GALNT17: variants seen among roughly 807,000 people sequenced by gnomAD.
GALNT17 encodes the protein UDP-GalNAc:polypeptide N-acetylgalactosaminyltransferase-like 3.
A neutral mutation model predicts 63.7 loss-of-function variants in GALNT17; 29 were observed. The ratio of observed to expected loss-of-function variants is 0.46; its 90% CI spans 0.34 to 0.62. The LOEUF is 0.62. GALNT17 is among the 20% of genes least tolerant of loss of function. The probability of loss-of-function intolerance (pLI) is 0.01; values close to 1 mark genes in which losing one functional copy is unlikely to be tolerated. For missense variants in GALNT17, 603 were observed against 799.6 expected (o/e 0.75, Z 2.97); for synonymous variants, 305 against 318.3 (o/e 0.96, Z 0.45).
chr7:71,455,148 CAGA>C (rs1479730262), intron 5 of GALNT17, among the ~76,000 whole-genome samples: 1 of 149,632 alleles, frequency 6.7e-6, no homozygotes, highest in Non-Finnish European at 1.5e-5. Flanking sequence ...GCCTGGGCAG[CAGA>C]GCAAAATCTT....
chr7:71,683,206 G>A (rs983859368), intron 9 of GALNT17, among the ~76,000 whole-genome samples: 2 of 152,098 alleles, frequency 1.3e-5, no homozygotes, highest in Non-Finnish European at 2.9e-5. Context: ...TTTTTAAAAA[G>A]TCAATCTCAT....
At chr7:71,482,361 G>A (rs1787835770) in intron 5 of GALNT17, among the ~76,000 whole-genome samples, 1 of 152,110 alleles carries the variant, frequency 6.6e-6, no homozygotes, top group South Asian at 2.1e-4. Flanking sequence ...TGTTGGCCAG[G>A]CTGGCCTCCA....
At chr7:71,455,608 C>T (rs1192774322) in intron 5 of GALNT17, among the ~76,000 whole-genome samples, 1 of 152,036 alleles carries the variant, frequency 6.6e-6, no homozygotes, top group Non-Finnish European at 1.5e-5. Flanking sequence ...GTGCCAGACC[C>T]CAGACCAGAC....
At chr7:71,160,892 CAGTGGTGTGATGA>C in intron 1 of GALNT17, among the ~76,000 whole-genome samples, 1 of 152,262 alleles carries the variant, frequency 6.6e-6, no homozygotes, top group Non-Finnish European at 1.5e-5. Context: ...GGCTGTGATG[CAGTGGTGTGATGA>C]CTCGTAGCTC....
In GALNT17 at chr7:71,493,133, A is replaced by C. The variant is rs1788037371; in HGVS notation, c.962+72028A>C. Among the ~76,000 whole-genome samples, 5 of 152,242 alleles carry C rather than the reference A, an allele frequency of 3.3e-5. 1 individual carries two copies. The South Asian group carries it at 1.0e-3, about 32-fold the overall frequency. ...CTGGGGACACAGAGATGAATGGAGC[A>C]TCACCTTGTCTTTGAAGAGCTCACA... On this transcript the variant is annotated intron_variant, in intron 5 of 10. Coordinates refer to ENST00000333538, the MANE Select transcript of GALNT17 (RefSeq NM_022479.3).
At chr7:71,169,003 C>G (rs1788497053) in intron 1 of GALNT17, among the ~76,000 whole-genome samples, 2 of 152,104 alleles carry the variant, frequency 1.3e-5, no homozygotes, top group Non-Finnish European at 2.9e-5. Flanking sequence ...CTGTGAGAGT[C>G]CAGGCACTGT....
At chr7:71,423,486 T>G (rs1324690381) in intron 5 of GALNT17, among the ~76,000 whole-genome samples, 3 of 152,180 alleles carry the variant, frequency 2.0e-5, no homozygotes, top group African/African-American at 7.2e-5. Context: ...GAGGCCTGTG[T>G]ACCTGGGCTC....
intron 1 of GALNT17, among the ~76,000 whole-genome samples, chr7:71,267,851 C>G (rs1380027668): frequency 1.9e-4 from 28 of 149,148 alleles, no homozygotes; most frequent in Admixed American, 5.4e-4. Context: ...TCCCTCCCCC[C>G]ACCTGCCCCC....
At chr7:71,410,622 G>C (rs1793412924) in intron 3 of GALNT17, among the ~76,000 whole-genome samples, 1 of 152,256 alleles carries the variant, frequency 6.6e-6, no homozygotes, top group South Asian at 2.1e-4. Flanking sequence ...GCAGGGCTCT[G>C]AGCCCAGGGA....
chr7:71,697,301 A>G (rs567105118), intron 9 of GALNT17, among the ~76,000 whole-genome samples: 2 of 152,300 alleles, frequency 1.3e-5, no homozygotes, highest in African/African-American at 4.8e-5. Context: ...AACCAGTGAT[A>G]AAGATCTGTC....
chr7:71,344,618 G>A (rs1792058706), intron 2 of GALNT17, among the ~76,000 whole-genome samples: 1 of 152,044 alleles, frequency 6.6e-6, no homozygotes, highest in Non-Finnish European at 1.5e-5. Context: ...GAAGATGGAG[G>A]CTGGTAGCAG....
chr7:71,463,508 T>C (rs1394158259), intron 5 of GALNT17, among the ~76,000 whole-genome samples: 1 of 151,956 alleles, frequency 6.6e-6, no homozygotes, highest in South Asian at 2.1e-4. Flanking sequence ...GGTGAGTCCA[T>C]AGGGTGAAGT....
chr7:71,439,925 T>G (rs10263612), intron 5 of GALNT17, among the ~76,000 whole-genome samples: 1 of 150,066 alleles, frequency 6.7e-6, no homozygotes, highest in African/African-American at 2.4e-5. Context: ...TTCCAGAGTG[T>G]TTCATCTTCC....
intron 4 of GALNT17, among the ~76,000 whole-genome samples, chr7:71,416,925 A>T (rs1401830097): frequency 6.6e-6 from 1 of 152,210 alleles, no homozygotes; most frequent in Non-Finnish European, 1.5e-5. Context: ...GGTTGAGTGT[A>T]CGGGGAGTAG....
intron 5 of GALNT17, among the ~76,000 whole-genome samples, chr7:71,560,200 A>AC (rs2116851355): frequency 1.1e-5 from 1 of 87,870 alleles, no homozygotes; most frequent in East Asian, 2.0e-4. Flanking sequence ...TCTCAAAAAA[A>AC]AAAAAAAAAA....
chr7:71,259,893 G>T (rs1200204487), intron 1 of GALNT17, among the ~76,000 whole-genome samples: 1 of 151,796 alleles, frequency 6.6e-6, no homozygotes, highest in Non-Finnish European at 1.5e-5. Context: ...CACCCGCCTC[G>T]GCCTCCCAAA....
intron 9 of GALNT17, among the ~76,000 whole-genome samples, chr7:71,678,316 G>C (rs2117068960): frequency 6.6e-6 from 1 of 151,688 alleles, no homozygotes; most frequent in South Asian, 2.1e-4. Flanking sequence ...AGTAGAGACG[G>C]GGTTTCACCA....
chr7:71,588,519 T>C (rs1789752150), intron 6 of GALNT17, among the ~76,000 whole-genome samples: 1 of 152,352 alleles, frequency 6.6e-6, no homozygotes. Context: ...AGTTCACTTT[T>C]GTTTTTTCTT....
intron 5 of GALNT17, among the ~76,000 whole-genome samples, chr7:71,431,422 T>G (rs1034317292): frequency 6.6e-6 from 1 of 151,912 alleles, no homozygotes; most frequent in Non-Finnish European, 1.5e-5. Flanking sequence ...GTTGGTCAGG[T>G]TGGTCTCAAA....
Sources: gnomAD v4.1 joint callset for allele counts (sites outside exome capture counted in the v4.1 genomes callset) on GRCh38, gnomAD v4.1.1 for gene constraint, MANE v1.5 for transcripts, NCBI Gene and HGNC (gene_info 2026-07-23, HGNC 2026-07-21) for gene names.